The following NR3C1 variants were observed in gnomAD, a reference collection of about 807,000 sequenced individuals.
The protein encoded by NR3C1 is glucocorticoid receptor.
A neutral mutation model predicts 74.0 loss-of-function variants in NR3C1; 14 were observed. The ratio of observed to expected loss-of-function variants is 0.19; its 90% confidence interval spans 0.12 to 0.30. NR3C1 has a LOEUF of 0.30. Ranked by LOEUF, NR3C1 falls within the 10% of genes least tolerant of loss-of-function variation. The pLI is 1.00. For synonymous variants in NR3C1, 308 were observed against 332.5 expected, an observed-to-expected ratio of 0.93 and a Z score of 0.80; for missense variants, 695 against 909.8, an observed-to-expected ratio of 0.76 and a Z score of 3.04.
At chr5:143,355,385 A>T (rs1329736737) in intron 2 of NR3C1, among the ~76,000 whole-genome samples, 1 of 152,146 alleles carries the variant, frequency 6.6e-6, no homozygotes, top group Non-Finnish European at 1.5e-5. Flanking sequence ...CTGAGGTGGG[A>T]GGACAGTCTG....
Position 143,278,809 on chromosome 5 carries a change from G to A in NR3C1, c.*3080C>T, listed in dbSNP as rs1812692872. 6.6e-6 allele frequency: 1 copy of A among 152,388 alleles called. No homozygotes were observed. Among genetic ancestry groups the A allele is most frequent in the Non-Finnish European group, 1.5e-5 (1 of 68,130 alleles). The allele number at this position is 152,388 out of a possible 1,614,324, so 9.4% of individuals were successfully genotyped here. ...GCTCCCTGCCTCTGAATTCTGAAGGGAGCGTGGCTTTCCTTCATGGCATGC... is the reference window on the plus strand; with the variant it reads ...GCTCCCTGCCTCTGAATTCTGAAGGAAGCGTGGCTTTCCTTCATGGCATGC... On this transcript the variant is annotated 3_prime_UTR_variant, in exon 9 of 9. Coordinates refer to ENST00000394464, the MANE Select transcript of NR3C1 (RefSeq NM_000176.3).
At chr5:143,404,216 G>C (rs1840887925), upstream of NR3C1, 2 of 985,304 alleles carry the variant, frequency 2.0e-6, no homozygotes, top group South Asian at 4.7e-5. Flanking sequence ...CGCCGCCGCC[G>C]GGCCGAGTTG....
intron 2 of NR3C1, among the ~76,000 whole-genome samples, chr5:143,396,239 C>T (rs1353894376): frequency 6.6e-6 from 1 of 151,716 alleles, no homozygotes; most frequent in Non-Finnish European, 1.5e-5. Context: ...ACTTTTTTTA[C>T]TAATCATGTA....
intron 2 of NR3C1, among the ~76,000 whole-genome samples, chr5:143,395,584 A>G (rs1023631985): frequency 2.0e-5 from 3 of 151,894 alleles, no homozygotes; most frequent in Non-Finnish European, 4.4e-5. Flanking sequence ...ATTCAGCACA[A>G]ACCTATTTTG....
At chr5:143,301,785 A>C (rs1818531902) in intron 4 of NR3C1, among the ~76,000 whole-genome samples, 1 of 152,086 alleles carries the variant, frequency 6.6e-6, no homozygotes, top group Non-Finnish European at 1.5e-5. Context: ...AATGTAAATC[A>C]CCTTTAAAAA....
At position 143,300,701 on chromosome 5, in the gene NR3C1, T is replaced by G; in HGVS notation, c.1531A>C (p.Thr511Pro). 6.2e-7 allele frequency: 1 copy of G among 1,614,166 alleles called. No individual in the cohort carries two copies. Among genetic ancestry groups the G allele is most frequent in the Non-Finnish European group, 8.5e-7 (1 of 1,180,020 alleles). ...QQATTGVSQETSENPGNKTIV... is the reference protein window; with the variant it reads ...QQATTGVSQEPSENPGNKTIV... ...GTTTTGTTACCAGGATTTTCAGAGG[T>G]TTCTTGTGAGACTCCTGTAGTGGCC... Residue 511 changes from threonine to proline, a missense_variant, in exon 5 of 9, where the codon ACC (threonine) becomes CCC (proline). Transcript: ENST00000394464. This position sits in a 1 kb window ranked among gnomAD's most constrained non-coding sequence, Gnocchi z 5.2.
In NR3C1 at chr5:143,403,685, G is replaced by A. The variant is rs61759010; in HGVS notation, c.-488C>T. On this transcript the variant is annotated 5_prime_UTR_variant, in exon 1 of 9. Transcript: ENST00000394464. Reference sequence around the variant, plus strand: ...ACCGAGCGGGGAGCGGGTGGAGGCGGCGCCACGGCGCGCACACACTCGCAC... The same window carrying A: ...ACCGAGCGGGGAGCGGGTGGAGGCGACGCCACGGCGCGCACACACTCGCAC... The A allele has an allele frequency of 7.0e-4, 692 of 985,488 alleles. 6 individuals are homozygous for A. The African/African-American group carries it at 0.011, about 16-fold the overall frequency. The allele number at this position is 985,488 out of a possible 1,614,324, so 61.0% of individuals were successfully genotyped here. A position where few individuals can be genotyped will look rare whatever the true frequency, so the allele number is the denominator to read the frequency against.
At chr5:143,377,809 C>G (rs781278118) in intron 2 of NR3C1, among the ~76,000 whole-genome samples, 5 of 152,170 alleles carry the variant, frequency 3.3e-5, no homozygotes, top group Non-Finnish European at 5.9e-5. Flanking sequence ...AAGAGTCTTT[C>G]TTTACTAGTC....
At chr5:143,410,904 T>A (rs933678666) in intron 1 of NR3C1, among the ~76,000 whole-genome samples, 3 of 152,210 alleles carry the variant, frequency 2.0e-5, no homozygotes, top group African/African-American at 7.2e-5. Context: ...TGTACCAGCT[T>A]GCAAGCACTG....
At chr5:143,429,318 T>C (rs190596281) in intron 1 of NR3C1, among the ~76,000 whole-genome samples, 45 of 152,266 alleles carry the variant, frequency 3.0e-4, no homozygotes, top group Non-Finnish European at 5.3e-4. Flanking sequence ...CTGAGCACAA[T>C]TAATTAATTT....
At chr5:143,282,858 G>A in intron 7 of NR3C1, 133 bp from the exon 8 acceptor site, 6 of 927,246 alleles carry the variant, frequency 6.5e-6, no homozygotes, top group South Asian at 3.2e-5. Flanking sequence ...TAGCTCACTG[G>A]AGCCTTGACC....
At chr5:143,419,181 C>T (rs1372711857) in intron 1 of NR3C1, among the ~76,000 whole-genome samples, 1 of 152,166 alleles carries the variant, frequency 6.6e-6, no homozygotes, top group African/African-American at 2.4e-5. Flanking sequence ...AAATCCAAAA[C>T]CCTTCCTGTC....
Position 143,300,697 on chromosome 5 carries a change from G to C in NR3C1, c.1535C>G (p.Ser512Cys). The C allele has an allele frequency of 6.2e-7, 1 of 1,614,172 alleles. No homozygotes were observed. The highest frequency in any genetic ancestry group is 1.1e-5 in the South Asian group (1 of 91,082). ...QATTGVSQET[S>C]ENPGNKTIVP... ...TATTGTTTTGTTACCAGGATTTTCA[G>C]AGGTTTCTTGTGAGACTCCTGTAGT... Residue 512 changes from serine to cysteine, a missense_variant, in exon 5 of 9, where the codon TCT (serine) becomes TGT (cysteine). Ser to Cys is a moderately radical substitution (Grantham distance 112). Transcript: ENST00000394464. The surrounding 1 kb of genome is among the most constrained non-coding windows in gnomAD (Gnocchi z 5.2).
intron 2 of NR3C1, among the ~76,000 whole-genome samples, chr5:143,379,789 C>G (rs143052982): frequency 0.016 from 2,509 of 152,292 alleles, 26 homozygotes; most frequent in Middle Eastern, 0.041. Context: ...CTACAGCCAA[C>G]CAGCCAACTG....
intron 2 of NR3C1, among the ~76,000 whole-genome samples, chr5:143,370,081 GT>G (rs1833980152): frequency 6.6e-6 from 1 of 152,140 alleles, no homozygotes; most frequent in Non-Finnish European, 1.5e-5. Flanking sequence ...CAGTCCTTTA[GT>G]TTAAGATATT....
Position 143,295,540 on chromosome 5 carries a change from T to C in NR3C1, c.1943A>G (p.Tyr648Cys), listed in dbSNP as rs1333998849. 2 of 1,613,170 alleles carry C rather than the reference T, an allele frequency of 1.2e-6. No individual in the cohort carries two copies. Among genetic ancestry groups the C allele is most frequent in the African/African-American group, 2.7e-5 (2 of 74,864 alleles). The change falls in exon 7 of 9, where the codon TAT (tyrosine) becomes TGT (cysteine). Residue 648 changes from tyrosine to cysteine, a missense_variant. This residue lies in a region of NR3C1 where 133 missense variants were observed against 287.9 expected (regional missense o/e 0.46). Transcript: ENST00000394464. ...CMYDQCKHML[Y>C]VSSELHRLQV... The stretch of plus-strand genomic sequence containing the variant: ...AAGCCTGTGTAACTCAGAGGAAACA[T>C]ACAGCATGTGTTTACATTGGTCGTA...
In NR3C1 at chr5:143,279,206, G is replaced by A. The variant is rs922127353; in HGVS notation, c.*2683C>T. ...TTAAGATGACTTTCTTTTCCCCCAC[G>A]TATCCTAAAAGGGCACAGCTTCTTT... is the stretch of plus-strand genomic sequence containing the variant. On this transcript the variant is annotated 3_prime_UTR_variant, in exon 9 of 9. Coordinates refer to ENST00000394464, the MANE Select transcript of NR3C1 (RefSeq NM_000176.3). The A allele has an allele frequency of 2.5e-5, 19 of 769,954 alleles. No individual in the cohort carries two copies. The highest frequency in any genetic ancestry group is 3.2e-5 in the Non-Finnish European group (16 of 500,298). The allele number at this position is 769,954 out of a possible 1,614,324, so 47.7% of individuals were successfully genotyped here.
chr5:143,386,465 T>A (rs1227956155), intron 2 of NR3C1, among the ~76,000 whole-genome samples: 1 of 152,098 alleles, frequency 6.6e-6, no homozygotes, highest in African/African-American at 2.4e-5. Flanking sequence ...ATGTTCAGGG[T>A]GTACTTGTTA....
At chr5:143,418,595 C>T (rs939340873) in intron 1 of NR3C1, among the ~76,000 whole-genome samples, 1 of 152,124 alleles carries the variant, frequency 6.6e-6, no homozygotes, top group African/African-American at 2.4e-5. Flanking sequence ...AGGTATGGCC[C>T]CTGCCCTCAG....
Sources: gnomAD v4.1 joint callset for allele counts (sites outside exome capture counted in the v4.1 genomes callset) on GRCh38, gnomAD v4.1.1 for gene constraint, gnomAD v4.1.1 regional missense constraint, Gnocchi (gnomAD v3.1) non-coding constraint, MANE v1.5 for transcripts, NCBI Gene and HGNC (gene_info 2026-07-23, HGNC 2026-07-21) for gene names.